Variants in LRRC4C observed in about 807,000 individuals in gnomAD.
LRRC4C encodes the protein leucine-rich repeat-containing protein 4C.
In LRRC4C, 5 loss-of-function variants were observed where a neutral mutation model predicts 33.6. The observed-to-expected ratio is 0.15, with a 90% CI of 0.08 to 0.31. LRRC4C has a LOEUF of 0.31. Among genes scored for constraint, LRRC4C ranks in the 10% least tolerant of loss-of-function variants. LRRC4C has a pLI of 1.00. For missense variants in LRRC4C, 560 were observed against 796.7 expected (o/e 0.70, Z 3.58); for synonymous variants, 329 against 302.0 (o/e 1.09, Z -0.93).
At chr11:40,229,779 G>T (rs1013907744) in intron 5 of LRRC4C, among the ~76,000 whole-genome samples, 3 of 152,136 alleles carry the variant, frequency 2.0e-5, no homozygotes, top group Admixed American at 1.3e-4. Flanking sequence ...AGGGGGACTG[G>T]CTGAACCACA....
At chr11:40,983,682 A>C (rs1374742219) in intron 1 of LRRC4C, among the ~76,000 whole-genome samples, 1 of 152,126 alleles carries the variant, frequency 6.6e-6, no homozygotes, top group Non-Finnish European at 1.5e-5. Flanking sequence ...AGTGGGCAAA[A>C]GACATGAACA....
chr11:40,349,721 C>T (rs888862976), intron 3 of LRRC4C, among the ~76,000 whole-genome samples: 6 of 152,090 alleles, frequency 3.9e-5, no homozygotes, highest in Admixed American at 3.9e-4. Flanking sequence ...TCTCCACATT[C>T]TTGCCAGCAT....
intron 3 of LRRC4C, among the ~76,000 whole-genome samples, chr11:40,550,464 T>C (rs1349898679): frequency 1.3e-5 from 2 of 152,080 alleles, no homozygotes; most frequent in Non-Finnish European, 2.9e-5. Flanking sequence ...ACAAAAAGCA[T>C]ATGCATTGCA....
chr11:40,765,215 G>A (rs567188122), intron 2 of LRRC4C, among the ~76,000 whole-genome samples: 1 of 152,206 alleles, frequency 6.6e-6, no homozygotes, highest in Admixed American at 6.5e-5. Flanking sequence ...TAGATCATGG[G>A]GGGAAGATTT....
chr11:40,796,969 C>G (rs1307547895), intron 2 of LRRC4C, among the ~76,000 whole-genome samples: 1 of 151,982 alleles, frequency 6.6e-6, no homozygotes, highest in African/African-American at 2.4e-5. Flanking sequence ...TTTGATAGAC[C>G]ACTATTACTA....
At chr11:40,496,550 C>T (rs534626466) in intron 3 of LRRC4C, among the ~76,000 whole-genome samples, 11 of 151,980 alleles carry the variant, frequency 7.2e-5, no homozygotes, top group South Asian at 2.1e-4. Flanking sequence ...GACTCAAATC[C>T]GCATAGACCA....
chr11:41,124,457 T>G (rs1942637293), intron 1 of LRRC4C, among the ~76,000 whole-genome samples: 1 of 152,206 alleles, frequency 6.6e-6, no homozygotes, highest in African/African-American at 2.4e-5. Context: ...GGAACTGTCT[T>G]TTCTTCGTTC....
chr11:40,670,461 C>T (rs770527087), intron 2 of LRRC4C, among the ~76,000 whole-genome samples: 1 of 152,162 alleles, frequency 6.6e-6, no homozygotes, highest in Non-Finnish European at 1.5e-5. Flanking sequence ...AATGTGAATA[C>T]CATTTTTTAA....
At chr11:40,611,582 T>C (rs948531567) in intron 3 of LRRC4C, among the ~76,000 whole-genome samples, 5 of 151,704 alleles carry the variant, frequency 3.3e-5, no homozygotes, top group African/African-American at 9.7e-5. Flanking sequence ...GGACAACATA[T>C]AATATTGGAG....
chr11:40,744,849 A>C (rs1312912983), intron 2 of LRRC4C, among the ~76,000 whole-genome samples: 1 of 149,992 alleles, frequency 6.7e-6, no homozygotes, highest in African/African-American at 2.5e-5. Context: ...GTTTAAGTTA[A>C]CTTAACTTAA....
chr11:41,369,907 T>C (rs1952682278), intron 1 of LRRC4C, among the ~76,000 whole-genome samples: 1 of 152,184 alleles, frequency 6.6e-6, no homozygotes, highest in Non-Finnish European at 1.5e-5. Flanking sequence ...TAAGAGGCCC[T>C]TGTAACACTT....
chr11:41,025,707 G>T, intron 1 of LRRC4C, among the ~76,000 whole-genome samples: 1 of 151,530 alleles, frequency 6.6e-6, no homozygotes, highest in East Asian at 1.9e-4. Flanking sequence ...TGACAAAGGT[G>T]GCTACACCAA....
intron 2 of LRRC4C, among the ~76,000 whole-genome samples, chr11:40,755,787 G>A (rs929724005): frequency 2.0e-5 from 3 of 152,032 alleles, no homozygotes; most frequent in Admixed American, 6.6e-5. Flanking sequence ...TCAGAGTACC[G>A]TATTTGGCAG....
chr11:41,362,482 A>C (rs1952390131), intron 1 of LRRC4C, among the ~76,000 whole-genome samples: 1 of 152,122 alleles, frequency 6.6e-6, no homozygotes, highest in African/African-American at 2.4e-5. Flanking sequence ...TACCTAACAA[A>C]GACCCTTGCC....
intron 4 of LRRC4C, among the ~76,000 whole-genome samples, chr11:40,308,104 G>A (rs961060417): frequency 3.3e-5 from 5 of 152,242 alleles, no homozygotes; most frequent in Non-Finnish European, 5.9e-5. Flanking sequence ...AGAGAGCCAA[G>A]GAGGCACTGC....
chr11:40,828,152 TACACACACAC>T (rs57515808), intron 2 of LRRC4C, among the ~76,000 whole-genome samples: 2 of 146,852 alleles, frequency 1.4e-5, no homozygotes, highest in South Asian at 2.2e-4. Context: ...TATACAAACA[TACACACACAC>T]ACACACACAC....
chr11:41,093,949 A>AAAAC (rs1565377377), intron 1 of LRRC4C, among the ~76,000 whole-genome samples: 1 of 149,224 alleles, frequency 6.7e-6, no homozygotes, highest in Non-Finnish European at 1.5e-5. Context: ...AAAAAAAAAA[A>AAAAC]ACACACAAAA....
chr11:41,048,514 C>A (rs767187174), intron 1 of LRRC4C, among the ~76,000 whole-genome samples: 1 of 152,046 alleles, frequency 6.6e-6, no homozygotes, highest in African/African-American at 2.4e-5. Context: ...CCACCCTCCT[C>A]GGTCTCCCAA....
chr11:41,445,277 G>A (rs2138581362), intron 1 of LRRC4C, among the ~76,000 whole-genome samples: 1 of 152,226 alleles, frequency 6.6e-6, no homozygotes, highest in South Asian at 2.1e-4. Flanking sequence ...ATCTCATAAA[G>A]AGTGCATGAG....
Sources: allele counts gnomAD v4.1 joint callset (sites outside exome capture counted in the v4.1 genomes callset), GRCh38; gene constraint gnomAD v4.1.1; transcripts MANE v1.5; gene names NCBI Gene and HGNC (gene_info 2026-07-23, HGNC 2026-07-21).